The following LHCGR variants were observed in gnomAD, a reference collection of about 807,000 sequenced individuals.
LHCGR encodes the protein lutropin-choriogonadotropic hormone receptor.
In LHCGR, 55 loss-of-function variants were observed where a neutral mutation model predicts 60.7. That is an observed-to-expected ratio of 0.91 (90% confidence interval 0.73 to 1.13). The LOEUF is 1.13. Ranked by LOEUF, LHCGR falls within the 50% of genes most tolerant of loss-of-function variation. LHCGR has a pLI of 0.00. For missense variants in LHCGR, 862 were observed against 836.0 expected, an observed-to-expected ratio of 1.03 and a Z score of -0.38; for synonymous variants, 337 against 316.5, an observed-to-expected ratio of 1.06 and a Z score of -0.69.
At chr2:48,730,513 T>C (rs1056779200) in intron 2 of LHCGR, among the ~76,000 whole-genome samples, 1 of 152,222 alleles carries the variant, frequency 6.6e-6, no homozygotes, top group Non-Finnish European at 1.5e-5. Context: ...TCTTTAGAGA[T>C]GCAAATCTGC....
chr2:48,695,692 C>CA, intron 9 of LHCGR, among the ~76,000 whole-genome samples: 1 of 152,248 alleles, frequency 6.6e-6, no homozygotes, highest in Admixed American at 6.5e-5. Flanking sequence ...TACATATATA[C>CA]AATGTAATTC....
At chr2:48,706,868 C>T (rs1396287106) in intron 8 of LHCGR, among the ~76,000 whole-genome samples, 2 of 152,068 alleles carry the variant, frequency 1.3e-5, no homozygotes, top group Admixed American at 6.5e-5. Context: ...TTTGTTATTA[C>T]CCACCTTCTG....
chr2:48,711,490 T>C (rs1355481657), intron 7 of LHCGR, among the ~76,000 whole-genome samples: 1 of 152,172 alleles, frequency 6.6e-6, no homozygotes, highest in East Asian at 1.9e-4. Flanking sequence ...GATTTCCTCT[T>C]TCTTGCAACA....
chr2:48,703,996 C>T (rs2104406140), intron 8 of LHCGR, among the ~76,000 whole-genome samples: 1 of 152,254 alleles, frequency 6.6e-6, no homozygotes, highest in East Asian at 1.9e-4. Context: ...CCAGTTTTTG[C>T]CCATTTGGTA....
At chr2:48,701,082 G>A (rs764534309) in intron 8 of LHCGR, among the ~76,000 whole-genome samples, 7 of 152,000 alleles carry the variant, frequency 4.6e-5, no homozygotes, top group Non-Finnish European at 8.8e-5. Context: ...GAAGTAGAGA[G>A]TCAAAAGTGG....
intron 8 of LHCGR, among the ~76,000 whole-genome samples, chr2:48,700,023 A>G (rs1667329650): frequency 6.6e-6 from 1 of 152,236 alleles, no homozygotes; most frequent in Non-Finnish European, 1.5e-5. Flanking sequence ...TAGATGGAAG[A>G]TGAACTTGAC....
At chr2:48,698,987 G>A (rs1277015788) in intron 8 of LHCGR, among the ~76,000 whole-genome samples, 187 bp from the exon 9 acceptor site, 2 of 151,910 alleles carry the variant, frequency 1.3e-5, no homozygotes, top group Non-Finnish European at 2.9e-5. Flanking sequence ...GACTACAGGC[G>A]CCCGCTACCA....
intron 8 of LHCGR, among the ~76,000 whole-genome samples, chr2:48,706,516 T>G (rs1000744055): frequency 5.3e-5 from 8 of 152,254 alleles, no homozygotes; most frequent in African/African-American, 1.4e-4. Context: ...CCCATCACTT[T>G]CAGGTACACC....
intron 6 of LHCGR, chr2:48,721,344 G>C (rs1430469853): frequency 5.3e-6 from 1 of 188,270 alleles, no homozygotes; most frequent in Non-Finnish European, 1.1e-5. Flanking sequence ...ATAAGCAGCC[G>C]GTAGAGCTGT....
At chr2:48,741,794 A>G (rs2103688453) in intron 1 of LHCGR, among the ~76,000 whole-genome samples, 1 of 152,080 alleles carries the variant, frequency 6.6e-6, no homozygotes, top group East Asian at 1.9e-4. Flanking sequence ...TGAGGAGCAA[A>G]ATAACCAGCT....
intron 6 of LHCGR, chr2:48,720,197 C>G (rs1275617654): frequency 6.6e-6 from 1 of 152,268 alleles, no homozygotes; most frequent in African/African-American, 2.4e-5. Flanking sequence ...TGTGCACATA[C>G]TGAAGTATGA....
chr2:48,704,350 C>T (rs566081216), intron 8 of LHCGR, among the ~76,000 whole-genome samples: 1 of 152,134 alleles, frequency 6.6e-6, no homozygotes, highest in Non-Finnish European at 1.5e-5. Context: ...TTAAAATTCC[C>T]TCTTTTTGTG....
chr2:48,696,220 C>A (rs1427607506), intron 9 of LHCGR, among the ~76,000 whole-genome samples: 1 of 152,224 alleles, frequency 6.6e-6, no homozygotes, highest in African/African-American at 2.4e-5. Context: ...ATTGTTTCTA[C>A]ACAGTTCATG....
At chr2:48,697,690 A>T (rs190609588) in intron 9 of LHCGR, among the ~76,000 whole-genome samples, 163 of 152,338 alleles carry the variant, frequency 1.1e-3, no homozygotes, top group African/African-American at 3.8e-3. Flanking sequence ...TCAGTGCCTT[A>T]TCTAAGTAAT....
In LHCGR at chr2:48,755,572, AG is replaced by A; in HGVS notation, c.99del (p.Cys34AlafsTer30). On this transcript the variant is annotated frameshift_variant, in exon 1 of 11. Transcript: ENST00000294954. LOFTEE classifies it high-confidence loss of function. ...RALREALCPE[P>X]CNCVPDGALR... is the part of the protein sequence containing the mutation. ...AGGGCGCCGTCGGGCACGCAGTTGC[AG>A]GGCTCAGGGCAGAGCGCCTCGCGCA... 1 of 1,539,618 alleles carries A rather than the reference AG, an allele frequency of 6.5e-7. No individual in the cohort carries two copies. The highest frequency in any genetic ancestry group is 2.5e-5 in the East Asian group (1 of 40,802).
At chr2:48,719,321 C>G (rs1381283512) in intron 6 of LHCGR, among the ~76,000 whole-genome samples, 3 of 152,282 alleles carry the variant, frequency 2.0e-5, no homozygotes, top group Non-Finnish European at 2.9e-5. Flanking sequence ...GACTGAAGCC[C>G]AGACTCCCTA....
chr2:48,725,608 C>T, intron 4 of LHCGR, 68 bp downstream of exon 4: 1 of 1,096,102 alleles, frequency 9.1e-7, no homozygotes, highest in African/African-American at 1.5e-5. Flanking sequence ...CCAACCTTTT[C>T]CTTGTTTTGA....
chr2:48,722,714 G>A (rs772484140), intron 6 of LHCGR, among the ~76,000 whole-genome samples: 3 of 152,168 alleles, frequency 2.0e-5, no homozygotes, highest in Non-Finnish European at 4.4e-5. Context: ...CATGCTTCCT[G>A]CAAAGCCTGC....
At chr2:48,706,211 G>C (rs938065852) in intron 8 of LHCGR, among the ~76,000 whole-genome samples, 3 of 152,176 alleles carry the variant, frequency 2.0e-5, no homozygotes, top group African/African-American at 7.2e-5. Context: ...TAAGAATGTT[G>C]AATATTGGCC....
Sources: gnomAD v4.1 joint callset for allele counts (sites outside exome capture counted in the v4.1 genomes callset) on GRCh38, gnomAD v4.1.1 for gene constraint, MANE v1.5 for transcripts, NCBI Gene and HGNC (gene_info 2026-07-23, HGNC 2026-07-21) for gene names.